The following CHCHD3 variants were observed in gnomAD, a reference collection of about 807,000 sequenced individuals.
The protein encoded by CHCHD3 is MICOS complex subunit MIC19.
A neutral mutation model predicts 38.2 loss-of-function variants in CHCHD3; 20 were observed. That is an observed-to-expected ratio of 0.52 (90% CI 0.37 to 0.76). The LOEUF (loss-of-function observed/expected upper bound fraction) is 0.76. Ranked by LOEUF, CHCHD3 falls within the 30% of genes least tolerant of loss-of-function variation. The pLI is 0.00. For synonymous variants in CHCHD3, 82 were observed against 100.0 expected, an observed-to-expected ratio of 0.82 and a Z score of 1.07; for missense variants, 245 against 279.2, an observed-to-expected ratio of 0.88 and a Z score of 0.87.
chr7:132,863,615 T>A (rs1427606123), intron 5 of CHCHD3, among the ~76,000 whole-genome samples: 2 of 152,202 alleles, frequency 1.3e-5, no homozygotes, highest in African/African-American at 4.8e-5. Flanking sequence ...TGACTTCTCC[T>A]CTCTAGCTAA....
intron 4 of CHCHD3, among the ~76,000 whole-genome samples, chr7:132,944,007 TTC>T (rs374264657): frequency 1.3e-5 from 2 of 152,104 alleles, no homozygotes; most frequent in African/African-American, 4.8e-5. Context: ...AGAGAAAGTT[TTC>T]TCTGTGTGGG....
At chr7:132,825,192 A>AAT (rs1203234909) in intron 6 of CHCHD3, among the ~76,000 whole-genome samples, 2 of 152,186 alleles carry the variant, frequency 1.3e-5, no homozygotes, top group Non-Finnish European at 2.9e-5. Context: ...TGTATGTGTT[A>AAT]ATACTGAGGA....
chr7:132,923,111 AAT>A (rs1810299362), intron 4 of CHCHD3, among the ~76,000 whole-genome samples: 1 of 152,222 alleles, frequency 6.6e-6, no homozygotes, highest in African/African-American at 2.4e-5. Context: ...ACACCTTTCA[AAT>A]ATATGTCACA....
At position 133,082,019 on chromosome 7, in the gene CHCHD3, G is replaced by C; in HGVS notation, c.-82C>G. ...CCCCGCACCCACACGCGCGTGGAAG[G>C]GCCTGGATTCTTTTCCCGCACAGCG... is the stretch of plus-strand genomic sequence containing the variant. On this transcript the variant is annotated 5_prime_UTR_variant, in exon 1 of 8. Coordinates refer to ENST00000262570, the MANE Select transcript of CHCHD3 (RefSeq NM_017812.4). 1 of 1,266,018 alleles carries C rather than the reference G, an allele frequency of 7.9e-7. No homozygotes were observed. The highest frequency in any genetic ancestry group is 1.1e-6 in the Non-Finnish European group (1 of 932,228). 78.4% of individuals were successfully genotyped at this position (1,266,018 alleles called of 1,614,324 possible).
chr7:132,992,029 G>A (rs1023413975), intron 3 of CHCHD3, among the ~76,000 whole-genome samples: 37 of 152,112 alleles, frequency 2.4e-4, no homozygotes, highest in African/African-American at 8.2e-4. Flanking sequence ...TGGAGCTGGC[G>A]GGGAAGGCAA....
At chr7:132,877,390 T>A (rs1585596203) in intron 5 of CHCHD3, among the ~76,000 whole-genome samples, 1 of 152,198 alleles carries the variant, frequency 6.6e-6, no homozygotes, top group East Asian at 1.9e-4. Context: ...AATATCTTGC[T>A]TGCTACTTTT....
In CHCHD3 at chr7:132,915,174, T is replaced by G. The variant is rs139179221; in HGVS notation, c.370-29429A>C. ...AAACCAAATCAACAAAAAAACACTC[T>G]GCAATCCTATTTACCTCAACAAGCT... is the stretch of plus-strand genomic sequence containing the variant. On this transcript the variant is annotated intron_variant, in intron 4 of 7. Coordinates refer to ENST00000262570, the MANE Select transcript of CHCHD3 (RefSeq NM_017812.4). Among the ~76,000 whole-genome samples the G allele has an allele frequency of 6.5e-3, 983 of 151,034 alleles. 10 individuals carry two copies. Among genetic ancestry groups the G allele is most frequent in the African/African-American group, 0.022 (911 of 41,222 alleles).
At chr7:132,838,780 A>C (rs1422610471) in intron 5 of CHCHD3, among the ~76,000 whole-genome samples, 2 of 152,214 alleles carry the variant, frequency 1.3e-5, no homozygotes, top group Admixed American at 6.5e-5. Flanking sequence ...TTTGGAATCT[A>C]CCCTTGTAAG....
chr7:132,837,764 A>C (rs1179661237), intron 6 of CHCHD3, among the ~76,000 whole-genome samples: 2 of 152,234 alleles, frequency 1.3e-5, no homozygotes, highest in African/African-American at 4.8e-5. Flanking sequence ...ATATACTCAG[A>C]AAAATTCTGA....
chr7:133,040,703 A>G (rs1269778018), intron 2 of CHCHD3, among the ~76,000 whole-genome samples: 6 of 152,184 alleles, frequency 3.9e-5, no homozygotes, highest in African/African-American at 1.4e-4. Flanking sequence ...GAAGATCCCC[A>G]TGAACACGTC....
chr7:132,896,069 C>A (rs1357757699), intron 4 of CHCHD3, among the ~76,000 whole-genome samples: 2 of 152,082 alleles, frequency 1.3e-5, no homozygotes, highest in Non-Finnish European at 2.9e-5. Context: ...GTTGGGTCTG[C>A]TTGTGTTATC....
intron 5 of CHCHD3, among the ~76,000 whole-genome samples, chr7:132,857,852 G>A (rs986366843): frequency 1.3e-5 from 2 of 152,148 alleles, no homozygotes; most frequent in Non-Finnish European, 1.5e-5. Context: ...TGAAAGAATC[G>A]GAGCTGAAGG....
intron 3 of CHCHD3, among the ~76,000 whole-genome samples, chr7:133,003,809 A>C (rs2117395624): frequency 6.6e-6 from 1 of 152,092 alleles, no homozygotes. Flanking sequence ...ACGGAGGATA[A>C]AAATACCTTG....
At chr7:133,008,582 T>C (rs1482735703) in intron 3 of CHCHD3, among the ~76,000 whole-genome samples, 2 of 152,178 alleles carry the variant, frequency 1.3e-5, no homozygotes, top group Non-Finnish European at 2.9e-5. Context: ...ATATGTTACA[T>C]ACATACATAT....
intron 2 of CHCHD3, among the ~76,000 whole-genome samples, chr7:133,039,292 A>G (rs969069975): frequency 5.9e-5 from 9 of 152,258 alleles, no homozygotes; most frequent in African/African-American, 1.9e-4. Flanking sequence ...ACAGGACACG[A>G]TAAGAGATAT....
chr7:133,028,056 C>T (rs1255431913), intron 2 of CHCHD3, among the ~76,000 whole-genome samples: 1 of 152,104 alleles, frequency 6.6e-6, no homozygotes, highest in Admixed American at 6.5e-5. Flanking sequence ...GTAAAACAAC[C>T]TGACACTAAA....
intron 2 of CHCHD3, among the ~76,000 whole-genome samples, chr7:133,028,425 G>A (rs914047972): frequency 1.3e-5 from 2 of 152,090 alleles, no homozygotes; most frequent in Non-Finnish European, 2.9e-5. Flanking sequence ...TTGTGCTTAT[G>A]GCTTGAATGT....
chr7:132,919,766 T>C (rs566808789), intron 4 of CHCHD3, among the ~76,000 whole-genome samples: 28 of 152,340 alleles, frequency 1.8e-4, no homozygotes, highest in African/African-American at 6.7e-4. Context: ...CTTTGGCGAC[T>C]GTGCTCCTTG....
chr7:133,027,668 C>G (rs1418109774), intron 2 of CHCHD3, among the ~76,000 whole-genome samples: 3 of 152,146 alleles, frequency 2.0e-5, no homozygotes, highest in Non-Finnish European at 1.5e-5. Context: ...TGTTTTGCCT[C>G]TCTCCTACTT....
Sources: allele counts gnomAD v4.1 joint callset (sites outside exome capture counted in the v4.1 genomes callset), GRCh38; gene constraint gnomAD v4.1.1; transcripts MANE v1.5; gene names NCBI Gene and HGNC (gene_info 2026-07-23, HGNC 2026-07-21).